The following TIPIN variants were observed in gnomAD, a reference collection of about 807,000 sequenced individuals.
TIPIN encodes the protein TIMELESS-interacting protein.
In TIPIN, 29 loss-of-function variants were observed where a neutral mutation model predicts 35.6. That is an observed-to-expected ratio of 0.82 (90% CI 0.61 to 1.11). The LOEUF is 1.11. Ranked by LOEUF, TIPIN falls within the 50% of genes most tolerant of loss-of-function variation. The pLI, the probability that TIPIN is intolerant of heterozygous loss-of-function variation, is 0.00. For synonymous variants in TIPIN, 102 were observed against 121.5 expected, an observed-to-expected ratio of 0.84 and a Z score of 1.06; for missense variants, 296 against 345.4, an observed-to-expected ratio of 0.86 and a Z score of 1.13.
chr15:66,363,564 C>T (rs2140480863), intron 1 of TIPIN, among the ~76,000 whole-genome samples: 1 of 151,538 alleles, frequency 6.6e-6, no homozygotes, highest in African/African-American at 2.4e-5. Context: ...ATGGCGTGAA[C>T]CTGGGAGGCG....
intron 1 of TIPIN, among the ~76,000 whole-genome samples, chr15:66,368,322 C>G (rs573603371): frequency 6.7e-6 from 1 of 149,968 alleles, no homozygotes; most frequent in Admixed American, 6.7e-5. Flanking sequence ...GAGTTTGAGA[C>G]GAGCCTAGGC....
rs748834392 is a variant in TIPIN, at chr15:66,336,937, A to G, written c.*21T>C. 6.6e-5 allele frequency: 105 copies of G among 1,598,866 alleles called. No homozygotes were observed. Among genetic ancestry groups the G allele is most frequent in the Non-Finnish European group, 9.0e-5 (105 of 1,168,732 alleles). ...CTTGCAGGACGATGACTTAACAGAT[A>G]CATTTTCTCTTAATGGAAACTTATC... is the stretch of plus-strand genomic sequence containing the variant. On this transcript the variant is annotated 3_prime_UTR_variant, in exon 8 of 8. Transcript: ENST00000261881.
At chr15:66,343,993 C>T (rs1393190082) in intron 6 of TIPIN, among the ~76,000 whole-genome samples, 4 of 152,038 alleles carry the variant, frequency 2.6e-5, no homozygotes, top group African/African-American at 7.2e-5. Flanking sequence ...AGTGAAACTC[C>T]GTCTCAAAAA....
intron 1 of TIPIN, chr15:66,383,045 G>A: frequency 1.0e-6 from 1 of 976,438 alleles, no homozygotes; most frequent in Non-Finnish European, 1.2e-6. Flanking sequence ...ATCATGATAA[G>A]GGCTTAGGGT....
intron 6 of TIPIN, among the ~76,000 whole-genome samples, chr15:66,344,754 A>G (rs1471233136): frequency 1.3e-5 from 2 of 152,074 alleles, no homozygotes; most frequent in African/African-American, 4.8e-5. Flanking sequence ...CTGTAATCCA[A>G]ACTACTCAGG....
chr15:66,384,258 A>C (rs1190134945), intron 1 of TIPIN, among the ~76,000 whole-genome samples: 1 of 147,860 alleles, frequency 6.8e-6, no homozygotes, highest in Non-Finnish European at 1.5e-5. Context: ...CAGCCTCCCA[A>C]AGTGCTGGGA....
At chr15:66,363,452 G>T (rs1422402847) in intron 1 of TIPIN, among the ~76,000 whole-genome samples, 1 of 151,898 alleles carries the variant, frequency 6.6e-6, no homozygotes, top group Non-Finnish European at 1.5e-5. Context: ...GACCATCCTG[G>T]CTAACATGGT....
rs1190177819 is a variant in TIPIN at position 66,377,518 on chromosome 15, C to A, written c.-9+9089G>T. Among the ~76,000 whole-genome samples, 4 of 150,562 alleles carry A rather than the reference C, an allele frequency of 2.7e-5. No homozygotes were observed. The East Asian group carries it at 7.9e-4, about 30-fold the overall frequency. On this transcript the variant is annotated intron_variant, in intron 1 of 7. Transcript: ENST00000562124. The stretch of plus-strand genomic sequence containing the variant: ...CAGCTGGGACTACAGGCGCGTGCCA[C>A]CACGCCCAACTAATTTTTGTATTTT...
chr15:66,370,950 C>T (rs1021792352), intron 1 of TIPIN, among the ~76,000 whole-genome samples: 5 of 152,170 alleles, frequency 3.3e-5, no homozygotes, highest in Admixed American at 6.6e-5. Context: ...GTGGCTCACA[C>T]GTGTAATCCC....
chr15:66,376,511 C>T lies in TIPIN; in HGVS notation c.-9+10096G>A, dbSNP rs185714257. Among the ~76,000 whole-genome samples the T allele has an allele frequency of 3.9e-4, 60 of 152,066 alleles. No homozygotes were observed. In the East Asian group the frequency reaches 0.01, roughly 26 times the overall value. On this transcript the variant is annotated intron_variant, in intron 1 of 7. Transcript: ENST00000562124. ...TGATGTGGTCTCGGCTCACCGCAAC[C>T]TCTGCCTCCCAGGTTCAAGCGATTC...
chr15:66,356,542 A>C, intron 1 of TIPIN, 97 bp downstream of exon 1: 1 of 896,114 alleles, frequency 1.1e-6, no homozygotes, highest in Non-Finnish European at 1.3e-6. Context: ...CTTTCCCGCT[A>C]GTCTGTCTGG....
chr15:66,349,315 C>G lies in TIPIN; in HGVS notation c.411G>C (p.Gln137His). The G allele has an allele frequency of 6.2e-7, 1 of 1,613,046 alleles. No homozygotes were observed. The highest frequency in any genetic ancestry group is 8.5e-7 in the Non-Finnish European group (1 of 1,179,906). Residue 137 changes from glutamine (Q) to histidine (H), a missense_variant and splice_region_variant, in exon 5 of 8, where the codon CAG (glutamine) becomes CAC (histidine). Coordinates refer to ENST00000261881, the MANE Select transcript of TIPIN (RefSeq NM_017858.3). Reference protein sequence around the residue: ...VEYLGSKKEVQTCLKRIRLDL... With the variant: ...VEYLGSKKEVHTCLKRIRLDL... ...TATTTATAATCATCTCAACACTTACCTGAACTTCCTTTTTACTTCCCAGGT... is the reference window on the plus strand; with the variant it reads ...TATTTATAATCATCTCAACACTTACGTGAACTTCCTTTTTACTTCCCAGGT...
intron 1 of TIPIN, among the ~76,000 whole-genome samples, chr15:66,364,322 T>C (rs144625372): frequency 0.015 from 2,307 of 151,786 alleles, 64 homozygotes; most frequent in African/African-American, 0.054. Flanking sequence ...GGCGCCGCCA[T>C]GCCCAGCTAA....
At chr15:66,350,613 C>CA (rs67396251) in intron 4 of TIPIN, among the ~76,000 whole-genome samples, 2,321 of 130,060 alleles carry the variant, frequency 0.018, 26 homozygotes, top group South Asian at 0.057. Flanking sequence ...CTCAAAAAAA[C>CA]AAAAAAAAAA....
At chr15:66,354,510 G>A (rs2093190770) in intron 1 of TIPIN, among the ~76,000 whole-genome samples, 1 of 151,960 alleles carries the variant, frequency 6.6e-6, no homozygotes, top group South Asian at 2.1e-4. Flanking sequence ...TCCTTCAATT[G>A]TCCCTATTAC....
intron 1 of TIPIN, chr15:66,371,254 G>A (rs903433043): frequency 2.0e-6 from 2 of 982,812 alleles, no homozygotes; most frequent in Admixed American, 6.2e-5. Flanking sequence ...ACTACCTGTT[G>A]TATACTTTTC....
rs751769999 is a variant in TIPIN at position 66,349,047 on chromosome 15, C to A, written c.475+13G>T. Reference sequence around the variant, plus strand: ...GCAAAATTGTTATAAAGTAGATAAACCTATATTCTTACCATTATTGCTAAC... The same window carrying A: ...GCAAAATTGTTATAAAGTAGATAAAACTATATTCTTACCATTATTGCTAAC... On this transcript the variant is annotated intron_variant, in intron 6 of 7. Transcript: ENST00000261881. The A allele has an allele frequency of 9.4e-6, 15 of 1,600,786 alleles. No homozygotes were observed. Among genetic ancestry groups the A allele is most frequent in the Non-Finnish European group, 1.3e-5 (15 of 1,170,520 alleles).
chr15:66,372,927 T>C (rs2093282768), intron 1 of TIPIN, among the ~76,000 whole-genome samples: 1 of 151,550 alleles, frequency 6.6e-6, no homozygotes, highest in South Asian at 2.1e-4. Context: ...AAGATTGTAA[T>C]ACCAAATTTT....
intron 1 of TIPIN, chr15:66,371,327 T>C: frequency 1.0e-6 from 1 of 985,018 alleles, no homozygotes; most frequent in Non-Finnish European, 1.2e-6. Context: ...ACAGAAAAAT[T>C]TGGAGCAAAA....
Sources: gnomAD v4.1 joint callset for allele counts (sites outside exome capture counted in the v4.1 genomes callset) on GRCh38, gnomAD v4.1.1 for gene constraint, MANE v1.5 for transcripts, NCBI Gene and HGNC (gene_info 2026-07-23, HGNC 2026-07-21) for gene names.